ZNF250: variants seen among roughly 807,000 people sequenced by gnomAD.
ZNF250 encodes the protein zinc finger protein (clone 647).
Under a neutral mutation model 37.1 loss-of-function variants are expected in ZNF250, and 13 were observed. The ratio of observed to expected loss-of-function variants is 0.35; its 90% confidence interval spans 0.23 to 0.56. The LOEUF is 0.56. Ranked by LOEUF, ZNF250 falls within the 20% of genes least tolerant of loss-of-function variation. ZNF250 has a pLI of 0.87. For missense variants in ZNF250, 474 were observed against 697.9 expected, an observed-to-expected ratio of 0.68 and a Z score of 3.61; for synonymous variants, 251 against 265.6, an observed-to-expected ratio of 0.94 and a Z score of 0.54.
Position 144,889,700 on chromosome 8 carries a change from C to T in ZNF250, c.170-6G>A, listed in dbSNP as rs766430277. 19 of 1,612,684 alleles carry T rather than the reference C, an allele frequency of 1.2e-5. No individual in the cohort carries two copies. The highest frequency in any genetic ancestry group is 4.4e-5 in the South Asian group (4 of 91,042). Reference sequence around the variant, plus strand: ...AGGCTTGGATCCTGGAAGTCCTGCTCGTGGGGAGGGAAGTCTTTGTTTACA... The same window carrying T: ...AGGCTTGGATCCTGGAAGTCCTGCTTGTGGGGAGGGAAGTCTTTGTTTACA... On this transcript the variant is annotated splice_region_variant and splice_polypyrimidine_tract_variant and intron_variant, in intron 3 of 5. Coordinates refer to ENST00000417550, the MANE Select transcript of ZNF250 (RefSeq NM_001109689.4).
chr8:144,889,890 C>T (rs746286164), intron 3 of ZNF250, 43 bp downstream of exon 3: 2 of 1,561,606 alleles, frequency 1.3e-6, no homozygotes, highest in Non-Finnish European at 1.7e-6. Flanking sequence ...CCACCCCAGT[C>T]CAATACGCAG....
Position 144,881,821 on chromosome 8 carries a change from G to T in ZNF250, c.1362C>A (p.Ala454=). The stretch of plus-strand genomic sequence containing the variant: ...GGATCAGAGACCGGCGTGCACTGAA[G>T]GCGTGCCCACATTCACCACACACAT... The part of the protein sequence containing the change: ...KPYVCGECGH[A]FSARRSLIQH... The change falls in exon 6 of 6, where the codon GCC becomes GCA. Residue 454 remains alanine (A), a synonymous_variant. Coordinates refer to ENST00000417550, the MANE Select transcript of ZNF250 (RefSeq NM_001109689.4). The T allele has an allele frequency of 6.2e-7, 1 of 1,614,232 alleles. No individual in the cohort carries two copies. The highest frequency in any genetic ancestry group is 8.5e-7 in the Non-Finnish European group (1 of 1,180,030).
chr8:144,896,718 C>T (rs1432065973), intron 1 of ZNF250, among the ~76,000 whole-genome samples: 6 of 152,186 alleles, frequency 3.9e-5, no homozygotes, highest in South Asian at 2.1e-4. Context: ...AGGCTAATGA[C>T]GAGTCCTCTA....
At position 144,890,078 on chromosome 8, in the gene ZNF250, CT is replaced by C. The variant is rs1832211159; in HGVS notation, c.43-20del. On this transcript the variant is annotated intron_variant, in intron 2 of 5. Coordinates refer to ENST00000417550, the MANE Select transcript of ZNF250 (RefSeq NM_001109689.4). The surrounding 1 kb of genome is among the most constrained non-coding windows in gnomAD (Gnocchi z 5.1). The stretch of plus-strand genomic sequence containing the variant: ...GCTTGGCCTGGAACGACAGGGGCTG[CT>C]GCAGGTAAAACCAAATCCTGATGTC... The C allele has an allele frequency of 6.2e-7, 1 of 1,608,772 alleles. No individual in the cohort carries two copies. Among genetic ancestry groups the C allele is most frequent in the Non-Finnish European group, 8.5e-7 (1 of 1,177,546 alleles).
intron 1 of ZNF250, among the ~76,000 whole-genome samples, chr8:144,900,936 G>T (rs1320244333): frequency 6.6e-6 from 1 of 152,220 alleles, no homozygotes; most frequent in African/African-American, 2.4e-5. Flanking sequence ...GAGGAGCGCG[G>T]CAAGAAGAGC....
At position 144,879,967 on chromosome 8, in the gene ZNF250, G is replaced by C. The variant is rs966353491; in HGVS notation, c.*1548C>G. ...TGTAATTCCAGCTACTTGGGAGGCA[G>C]AGGCAGGAGAATTGCTTGAACCTGG... On this transcript the variant is annotated 3_prime_UTR_variant, in exon 6 of 6. Transcript: ENST00000417550. 6.5e-6 allele frequency: 1 copy of C among 152,698 alleles called. No homozygotes were observed. 9.5% of individuals were successfully genotyped at this position (152,698 alleles called of 1,614,324 possible).
intron 5 of ZNF250, among the ~76,000 whole-genome samples, chr8:144,886,002 T>G (rs1831850397): frequency 6.6e-6 from 1 of 151,012 alleles, no homozygotes. Context: ...GGGAAGCTGT[T>G]GTGGGAGGAT....
At chr8:144,899,872 AAG>A (rs1446510926) in intron 1 of ZNF250, among the ~76,000 whole-genome samples, 1 of 152,246 alleles carries the variant, frequency 6.6e-6, no homozygotes, top group African/African-American at 2.4e-5. Context: ...ACAGAAAAAC[AAG>A]AGTTTATTTT....
Position 144,881,372 on chromosome 8 carries a change from G to A in ZNF250, c.*143C>T. ...TTTCCACAGGAACAGCACGCTAAGT[G>A]CTTCTTTCTGGAGTTATTTTGTGAC... On this transcript the variant is annotated 3_prime_UTR_variant, in exon 6 of 6. Transcript: ENST00000417550. 7.8e-7 allele frequency: 1 copy of A among 1,277,022 alleles called. No homozygotes were observed. The highest frequency in any genetic ancestry group is 1.0e-6 in the Non-Finnish European group (1 of 957,374). 79.1% of individuals were successfully genotyped at this position (1,277,022 alleles called of 1,614,324 possible). A position where few individuals can be genotyped will look rare whatever the true frequency, so the allele number is the denominator to read the frequency against.
rs770259720 is a variant in ZNF250 at position 144,889,534 on chromosome 8, G to T, written c.283+47C>A. The T allele has an allele frequency of 2.7e-6, 4 of 1,490,118 alleles. No individual in the cohort carries two copies. In the South Asian group the frequency reaches 3.4e-5, roughly 13 times the overall value. 92.3% of individuals were successfully genotyped at this position (1,490,118 alleles called of 1,614,324 possible). A position where few individuals can be genotyped will look rare whatever the true frequency, so the allele number is the denominator to read the frequency against. ...GAACTAGGTCCACAGCTTTGCTCAG[G>T]ACCTGTTTAGCCCTCAGTGAGGGAG... is the stretch of plus-strand genomic sequence containing the variant. On this transcript the variant is annotated intron_variant, in intron 4 of 5. Coordinates refer to ENST00000417550, the MANE Select transcript of ZNF250 (RefSeq NM_001109689.4).
intron 1 of ZNF250, among the ~76,000 whole-genome samples, chr8:144,898,541 T>C (rs1832877453): frequency 1.3e-5 from 2 of 152,214 alleles, no homozygotes; most frequent in Non-Finnish European, 2.9e-5. Flanking sequence ...GAAAACATTT[T>C]TTGGGTAAGA....
At chr8:144,896,126 A>G (rs1314524669) in intron 1 of ZNF250, among the ~76,000 whole-genome samples, 9 of 151,902 alleles carry the variant, frequency 5.9e-5, no homozygotes, top group Admixed American at 5.9e-4. Context: ...TTGGGAGGCC[A>G]AGGTGGGAGA....
chr8:144,897,360 T>TG lies in ZNF250; in HGVS notation c.-55+4038dup, dbSNP rs1357017106. ...AGAGAGGCAGCTTCTGAGCCACTTGTGAGCACAAGGCGAAACACTGCTAAA... is the reference window on the plus strand; with the variant it reads ...AGAGAGGCAGCTTCTGAGCCACTTGTGGAGCACAAGGCGAAACACTGCTAAA... On this transcript the variant is annotated intron_variant, in intron 1 of 5. Transcript: ENST00000417550. The surrounding 1 kb of genome is among the most constrained non-coding windows in gnomAD (Gnocchi z 5.2). Among the ~76,000 whole-genome samples the TG allele has an allele frequency of 6.6e-6, 1 of 152,252 alleles. No individual in the cohort carries two copies. Among genetic ancestry groups the TG allele is most frequent in the Non-Finnish European group, 1.5e-5 (1 of 68,042 alleles).
chr8:144,896,566 G>A (rs909648290), intron 1 of ZNF250, among the ~76,000 whole-genome samples: 4 of 152,122 alleles, frequency 2.6e-5, no homozygotes, highest in Admixed American at 1.3e-4. Context: ...AAGAGCTATC[G>A]GGGGTGCCAG....
chr8:144,898,048 T>A (rs180713613), intron 1 of ZNF250, among the ~76,000 whole-genome samples: 64 of 152,234 alleles, frequency 4.2e-4, no homozygotes, highest in African/African-American at 1.5e-3. Context: ...TTGGGGCCAG[T>A]TTATAGCCAG....
chr8:144,882,001 C>T lies in ZNF250; in HGVS notation c.1182G>A (p.Glu394=), dbSNP rs761245377. ...HTGEKPYECS[E]CGKTFSHRST... ...AGCGGTGGCTGAAGGTCTTCCCACACTCACTGCACTCATAGGGCTTCTCCC... is the reference window on the plus strand; with the variant it reads ...AGCGGTGGCTGAAGGTCTTCCCACATTCACTGCACTCATAGGGCTTCTCCC... The change falls in exon 6 of 6, where the codon GAG becomes GAA. Residue 394 remains glutamate, a synonymous_variant. Coordinates refer to ENST00000417550, the MANE Select transcript of ZNF250 (RefSeq NM_001109689.4). The surrounding 1 kb of genome is among the most constrained non-coding windows in gnomAD (Gnocchi z 5.5). 1 of 1,613,892 alleles carries T rather than the reference C, an allele frequency of 6.2e-7. No homozygotes were observed. Among genetic ancestry groups the T allele is most frequent in the African/African-American group, 1.3e-5 (1 of 74,860 alleles).
chr8:144,897,308 C>T lies in ZNF250; in HGVS notation c.-55+4091G>A, dbSNP rs1832786204. ...CTCCCTCTTCATCACCAAGGAGCCC[C>T]TACCCGCTAGGGTGAAAGCACTTTC... On this transcript the variant is annotated intron_variant, in intron 1 of 5. Transcript: ENST00000417550. The surrounding 1 kb of genome is among the most constrained non-coding windows in gnomAD (Gnocchi z 5.2). Among the ~76,000 whole-genome samples the T allele has an allele frequency of 6.6e-6, 1 of 152,220 alleles. No individual in the cohort carries two copies. Among genetic ancestry groups the T allele is most frequent in the Admixed American group, 6.5e-5 (1 of 15,282 alleles).
chr8:144,888,595 C>CAAAAAA (rs36073563), intron 4 of ZNF250, among the ~76,000 whole-genome samples: 1 of 54,668 alleles, frequency 1.8e-5, no homozygotes, highest in Non-Finnish European at 4.6e-5. Flanking sequence ...AAGACTGTCT[C>CAAAAAA]AAAAAAAAAA....
At position 144,890,210 on chromosome 8, in the gene ZNF250, G is replaced by C. The variant is rs779865328; in HGVS notation, c.42+98C>G. 1 of 1,493,064 alleles carries C rather than the reference G, an allele frequency of 6.7e-7. No homozygotes were observed. The highest frequency in any genetic ancestry group is 9.2e-7 in the Non-Finnish European group (1 of 1,091,946). The allele number at this position is 1,493,064 out of a possible 1,614,324, so 92.5% of individuals were successfully genotyped here. On this transcript the variant is annotated intron_variant, in intron 2 of 5. Transcript: ENST00000417550. The surrounding 1 kb of genome is among the most constrained non-coding windows in gnomAD (Gnocchi z 5.1). ...GAAGGGGCCGCGGAGTTCAGGGCAT[G>C]TGGTGACGCTCTGGCTGCTCTTAGG...
Sources: allele counts gnomAD v4.1 joint callset (sites outside exome capture counted in the v4.1 genomes callset), GRCh38; gene constraint gnomAD v4.1.1; non-coding constraint Gnocchi (gnomAD v3.1); transcripts MANE v1.5; gene names NCBI Gene and HGNC (gene_info 2026-07-23, HGNC 2026-07-21).